The following TIAM2 variants were observed in gnomAD, a reference collection of about 807,000 sequenced individuals.
The protein encoded by TIAM2 is TIAM Rac1 associated GEF 2, also known as rho guanine nucleotide exchange factor TIAM2.
TIAM2 carries 80 observed loss-of-function variants against 152.9 expected under a neutral mutation model. That is an observed-to-expected ratio of 0.52 (90% CI 0.44 to 0.63). TIAM2 has a LOEUF of 0.63. TIAM2 is among the 30% of genes least tolerant of loss of function. The pLI is 0.00. For synonymous variants in TIAM2, 804 were observed against 838.0 expected (o/e 0.96, Z 0.70); for missense variants, 1,965 against 2,120.1 (o/e 0.93, Z 1.44).
chr6:155,007,592 G>A (rs1583147509), intron 1 of TIAM2, among the ~76,000 whole-genome samples: 1 of 152,116 alleles, frequency 6.6e-6, no homozygotes, highest in Non-Finnish European at 1.5e-5. Context: ...TAGGTAAAAT[G>A]TCAGGTTACT....
chr6:155,124,271 T>A (rs1312519473), intron 2 of TIAM2, among the ~76,000 whole-genome samples: 1 of 152,212 alleles, frequency 6.6e-6, no homozygotes, highest in Non-Finnish European at 1.5e-5. Context: ...TCCATCTGCC[T>A]CGGATTCCCA....
rs751233841 is a variant in TIAM2, at chr6:155,130,384, G to A, written c.1161G>A (p.Thr387=). The A allele has an allele frequency of 1.2e-5, 20 of 1,613,910 alleles. No homozygotes were observed. The highest frequency in any genetic ancestry group is 2.7e-5 in the African/African-American group (2 of 75,014). The change falls in exon 4 of 27, where the codon ACG becomes ACA. Residue 387 remains threonine, a synonymous_variant. Coordinates refer to ENST00000682666, the MANE Select transcript of TIAM2 (RefSeq NM_012454.4). ...GGATGCGACGGATCAGTGACTGGAC[G>A]GGAAGCCTCTCAAGGAAGAAAAGGA... ...KARMRRISDW[T]GSLSRKKRKL...
intron 1 of TIAM2, among the ~76,000 whole-genome samples, chr6:155,051,859 C>T (rs907821940): frequency 1.5e-4 from 23 of 152,138 alleles, no homozygotes; most frequent in African/African-American, 4.8e-4. Context: ...AGGATGGTCT[C>T]GAACTCGTGA....
intron 15 of TIAM2, among the ~76,000 whole-genome samples, chr6:155,231,120 G>A (rs965361771): frequency 2.0e-5 from 3 of 152,142 alleles, no homozygotes; most frequent in Non-Finnish European, 2.9e-5. Flanking sequence ...GGGATTATAG[G>A]CGTGAGCCAC....
intron 25 of TIAM2, 77 bp downstream of exon 25, chr6:155,254,137 G>GC (rs1583294049): frequency 1.4e-6 from 2 of 1,466,090 alleles, no homozygotes; most frequent in Non-Finnish European, 1.9e-6. Flanking sequence ...TATATTTAGT[G>GC]CCCTCCTGAA....
chr6:155,245,755 GTTT>G (rs11435976), intron 19 of TIAM2, 24 bp downstream of exon 19: 22 of 1,022,052 alleles, frequency 2.2e-5, no homozygotes, highest in Middle Eastern at 2.6e-4. Context: ...GCCTTTTATA[GTTT>G]TTTTTTTTTT....
chr6:155,095,051 C>T (rs1778391603), intron 2 of TIAM2, among the ~76,000 whole-genome samples: 2 of 152,122 alleles, frequency 1.3e-5, no homozygotes. Flanking sequence ...CCTTCCCTAA[C>T]ATCCACTGTG....
intron 6 of TIAM2, among the ~76,000 whole-genome samples, chr6:155,146,399 AT>A: frequency 1.3e-5 from 2 of 151,868 alleles, no homozygotes; most frequent in East Asian, 3.9e-4. Flanking sequence ...CAACAACAGA[AT>A]TTTCCCAGGT....
At chr6:155,053,475 T>TG (rs1005558315) in intron 1 of TIAM2, among the ~76,000 whole-genome samples, 42 of 150,490 alleles carry the variant, frequency 2.8e-4, no homozygotes, top group African/African-American at 1.0e-3. Context: ...GCTTTTTTTT[T>TG]TTTTTTTTTA....
intron 1 of TIAM2, among the ~76,000 whole-genome samples, chr6:155,044,420 G>A (rs1165056726): frequency 6.6e-6 from 1 of 152,130 alleles, no homozygotes; most frequent in Admixed American, 6.6e-5. Flanking sequence ...TTTTTTATTC[G>A]TTTAGCTGAA....
chr6:155,068,606 C>CCCT (rs1288364474), intron 1 of TIAM2, among the ~76,000 whole-genome samples: 6 of 149,792 alleles, frequency 4.0e-5, no homozygotes, highest in South Asian at 2.2e-4. Flanking sequence ...GCACCCGCCC[C>CCCT]CCCATCACGT....
At chr6:155,247,150 G>C (rs1783381720) in intron 19 of TIAM2, among the ~76,000 whole-genome samples, 2 of 152,218 alleles carry the variant, frequency 1.3e-5, no homozygotes. Context: ...GCAGGCTGTG[G>C]TGCCTGTCAC....
intron 1 of TIAM2, among the ~76,000 whole-genome samples, chr6:155,016,617 G>A (rs955841984): frequency 3.0e-5 from 4 of 134,682 alleles, no homozygotes; most frequent in South Asian, 2.4e-4. Flanking sequence ...CAGACTGCTC[G>A]ACTGGGCTTG....
intron 1 of TIAM2, among the ~76,000 whole-genome samples, chr6:155,068,069 A>G (rs1319898832): frequency 1.3e-5 from 2 of 152,138 alleles, no homozygotes; most frequent in Non-Finnish European, 2.9e-5. Flanking sequence ...CAGCAGTGTA[A>G]CATCTTAGTA....
Position 155,130,202 on chromosome 6 carries a change from G to A in TIAM2, c.979G>A (p.Ala327Thr), listed in dbSNP as rs201932524. The change falls in exon 4 of 27, where the codon GCC becomes ACC. Residue 327 changes from alanine to threonine, a missense_variant. Around this residue, in one of 3 missense-constraint regions of TIAM2, gnomAD observed 1,025 missense variants for 1,119.4 expected, o/e 0.92. Coordinates refer to ENST00000682666, the MANE Select transcript of TIAM2 (RefSeq NM_012454.4). ...RLSDEYMGTH[A>T]SLSNRVSFAS... ...TTCTGATGAATACATGGGCACGCATGCCAGCCTGAGCAACCGTGTCTCTTT... is the reference window on the plus strand; with the variant it reads ...TTCTGATGAATACATGGGCACGCATACCAGCCTGAGCAACCGTGTCTCTTT... 2 of 1,614,152 alleles carry A rather than the reference G, an allele frequency of 1.2e-6. No individual in the cohort carries two copies. Among genetic ancestry groups the A allele is most frequent in the East Asian group, 4.5e-5 (2 of 44,884 alleles).
At chr6:155,207,296 C>T (rs1295406977) in intron 14 of TIAM2, among the ~76,000 whole-genome samples, 1 of 152,190 alleles carries the variant, frequency 6.6e-6, no homozygotes, top group East Asian at 1.9e-4. Flanking sequence ...CTATAAAGAG[C>T]ACTAAGGGCA....
chr6:155,166,227 T>G (rs928289376), intron 9 of TIAM2, among the ~76,000 whole-genome samples: 3 of 152,108 alleles, frequency 2.0e-5, no homozygotes, highest in African/African-American at 7.2e-5. Context: ...AGTTTCTGCC[T>G]AAGTCCACGG....
At position 155,256,521 on chromosome 6, in the gene TIAM2, C is replaced by T. The variant is rs1784041144; in HGVS notation, c.4506C>T (p.Ser1502=). 1.2e-6 allele frequency: 2 copies of T among 1,614,086 alleles called. No individual in the cohort carries two copies. The highest frequency in any genetic ancestry group is 2.2e-5 in the South Asian group (2 of 91,086). The part of the protein sequence containing the change: ...SRSLKVLKNS[S]SNEWTGETGK... ...CTTTAAAAGTCCTGAAGAATTCCTC[C>T]AGCAACGAGTGGACCGGTGAGACTG... The change falls in exon 27 of 27, where the codon TCC becomes TCT. Residue 1502 remains serine, a synonymous_variant. Coordinates refer to ENST00000682666, the MANE Select transcript of TIAM2 (RefSeq NM_012454.4).
chr6:155,025,483 AT>A (rs1168012216), intron 1 of TIAM2, among the ~76,000 whole-genome samples: 1 of 151,876 alleles, frequency 6.6e-6, no homozygotes, highest in East Asian at 1.9e-4. Context: ...GCCCGGCCTA[AT>A]TTTTGTATTT....
Sources: gnomAD v4.1 joint callset for allele counts (sites outside exome capture counted in the v4.1 genomes callset) on GRCh38, gnomAD v4.1.1 for gene constraint, gnomAD v4.1.1 regional missense constraint, MANE v1.5 for transcripts, NCBI Gene and HGNC (gene_info 2026-07-23, HGNC 2026-07-21) for gene names.